The following TJP1 variants were observed in gnomAD, a reference collection of about 807,000 sequenced individuals.
TJP1 encodes tight junction protein ZO-1.
Under a neutral mutation model 194.2 loss-of-function variants are expected in TJP1, and 43 were observed. The ratio of observed to expected loss-of-function variants is 0.22; its 90% CI spans 0.17 to 0.29. The LOEUF is 0.29. TJP1 is among the 10% of genes least tolerant of loss of function. The pLI, the probability that TJP1 is intolerant of heterozygous loss-of-function variation, is 1.00. For missense variants in TJP1, 1,971 were observed against 2,185.7 expected (o/e 0.90, Z 1.96); for synonymous variants, 801 against 779.0 (o/e 1.03, Z -0.47).
intron 2 of TJP1, among the ~76,000 whole-genome samples, chr15:29,796,027 T>C (rs973233896): frequency 2.0e-5 from 3 of 151,070 alleles, no homozygotes; most frequent in African/African-American, 4.9e-5. Context: ...AATGGCAAAA[T>C]AGAAATACAA....
intron 2 of TJP1, among the ~76,000 whole-genome samples, chr15:29,897,784 A>G (rs1375361157): frequency 6.6e-6 from 1 of 152,182 alleles, no homozygotes; most frequent in East Asian, 1.9e-4. Flanking sequence ...GCCCTGCTGG[A>G]TTTTGGACTC....
At chr15:29,747,575 A>C (rs943337802) in intron 8 of TJP1, among the ~76,000 whole-genome samples, 3 of 152,232 alleles carry the variant, frequency 2.0e-5, no homozygotes, top group Non-Finnish European at 2.9e-5. Context: ...AGTTACCCAC[A>C]AAATTTTAAT....
chr15:29,931,351 GGT>G (rs2054706586), intron 2 of TJP1, among the ~76,000 whole-genome samples: 1 of 151,990 alleles, frequency 6.6e-6, no homozygotes, highest in African/African-American at 2.4e-5. Flanking sequence ...AAACCCATAT[GGT>G]TCAAGGGTCA....
intron 8 of TJP1, chr15:29,760,045 T>C: frequency 1.9e-6 from 1 of 531,712 alleles, no homozygotes. Context: ...ACCTCCATAC[T>C]GTTTTCCAGA....
intron 18 of TJP1, 122 bp from the exon 19 acceptor site, chr15:29,720,830 A>T (rs1217227178): frequency 1.3e-6 from 1 of 776,368 alleles, no homozygotes; most frequent in Non-Finnish European, 2.0e-6. Context: ...ACTTCTTGAA[A>T]CTTCTGGTAA....
At chr15:29,849,106 A>G (rs1289928975) in intron 2 of TJP1, among the ~76,000 whole-genome samples, 1 of 152,200 alleles carries the variant, frequency 6.6e-6, no homozygotes, top group African/African-American at 2.4e-5. Flanking sequence ...AAATTTAATT[A>G]CATTAAAATT....
In TJP1 at chr15:29,716,634, T is replaced by G; in HGVS notation, c.4179A>C (p.Ser1393=). The G allele has an allele frequency of 1.2e-6, 2 of 1,612,546 alleles. No individual in the cohort carries two copies. Among genetic ancestry groups the G allele is most frequent in the Non-Finnish European group, 1.7e-6 (2 of 1,178,778 alleles). The change falls in exon 23 of 28, where the codon TCA becomes TCC. Residue 1393 remains serine, a synonymous_variant. Transcript: ENST00000614355. ...PAKPAHSQNQ[S]NFSSYSSKGK... is the part of the protein sequence containing the mutation. ...ACTTTGAAGAATAACTAGAAAAATT[T>G]GATTGATTCTGAGAATGCGCTGGCT...
At chr15:29,956,371 G>A (rs1464367062) in intron 1 of TJP1, 2 of 1,282,088 alleles carry the variant, frequency 1.6e-6, no homozygotes, top group South Asian at 1.3e-5. Context: ...TACCCTGCAA[G>A]AAAGAAAAAA....
intron 10 of TJP1, 149 bp from the exon 11 acceptor site, chr15:29,737,563 G>C: frequency 1.2e-6 from 1 of 842,762 alleles, no homozygotes; most frequent in Non-Finnish European, 1.7e-6. Flanking sequence ...ATAAAATTTA[G>C]TGTTAGAATT....
intron 1 of TJP1, among the ~76,000 whole-genome samples, chr15:29,964,397 A>G (rs2056263256): frequency 1.6e-5 from 1 of 61,178 alleles, no homozygotes; most frequent in Non-Finnish European, 3.3e-5. Context: ...TTAAAAATTA[A>G]AAGTTTTAGT....
At chr15:29,710,259 C>T (rs2042157834) in intron 24 of TJP1, among the ~76,000 whole-genome samples, 1 of 152,112 alleles carries the variant, frequency 6.6e-6, no homozygotes, top group African/African-American at 2.4e-5. Context: ...AAGATAGCCT[C>T]AATCCAGAAC....
At chr15:29,898,197 C>T (rs1411988345) in intron 2 of TJP1, among the ~76,000 whole-genome samples, 1 of 152,162 alleles carries the variant, frequency 6.6e-6, no homozygotes, top group Non-Finnish European at 1.5e-5. Context: ...CTTTCCTGTG[C>T]TGTTCTTGTG....
chr15:29,959,586 G>T (rs978292674), intron 1 of TJP1, among the ~76,000 whole-genome samples: 1 of 152,080 alleles, frequency 6.6e-6, no homozygotes, highest in Non-Finnish European at 1.5e-5. Context: ...AGCTTCTCTT[G>T]CAAGTCAGTA....
At chr15:29,881,866 T>A (rs1392175090) in intron 2 of TJP1, among the ~76,000 whole-genome samples, 5 of 151,994 alleles carry the variant, frequency 3.3e-5, no homozygotes, top group Non-Finnish European at 5.9e-5. Flanking sequence ...TTTTCTGTGC[T>A]ACAGAAAGTA....
At chr15:29,742,966 T>G (rs998057662) in intron 8 of TJP1, 185 bp from the exon 9 acceptor site, 2 of 432,684 alleles carry the variant, frequency 4.6e-6, no homozygotes, top group Non-Finnish European at 7.7e-6. Flanking sequence ...ACCAAATAGA[T>G]TCATGTAATA....
In TJP1 at chr15:29,748,128, T is replaced by A. The variant is rs544793526; in HGVS notation, c.1011-5347A>T. Among the ~76,000 whole-genome samples, 21 of 152,312 alleles carry A rather than the reference T, an allele frequency of 1.4e-4. No homozygotes were observed. In the East Asian group the frequency reaches 3.9e-3, roughly 28 times the overall value. On this transcript the variant is annotated intron_variant, in intron 8 of 27. Transcript: ENST00000614355. ...AATGAGCTGCTTACGTAATTAAAAATTTTCTAGAATCCATGTTAAATAAAA... is the reference window on the plus strand; with the variant it reads ...AATGAGCTGCTTACGTAATTAAAAAATTTCTAGAATCCATGTTAAATAAAA...
chr15:29,815,396 G>A (rs1422771101), intron 1 of TJP1, among the ~76,000 whole-genome samples: 2 of 152,192 alleles, frequency 1.3e-5, no homozygotes, highest in Non-Finnish European at 2.9e-5. Context: ...AAATTCAGAG[G>A]TGCAAAGCAA....
chr15:29,886,859 C>T (rs1390998180), intron 2 of TJP1, among the ~76,000 whole-genome samples: 1 of 151,772 alleles, frequency 6.6e-6, no homozygotes, highest in Non-Finnish European at 1.5e-5. Context: ...GTTAGATAAA[C>T]AGTTTTTCCC....
chr15:29,741,314 CT>C lies in TJP1; in HGVS notation c.1256+16del. 6.5e-7 allele frequency: 1 copy of C among 1,538,884 alleles called. No homozygotes were observed. Among genetic ancestry groups the C allele is most frequent in the South Asian group, 1.2e-5 (1 of 84,402 alleles). On this transcript the variant is annotated intron_variant, in intron 10 of 27. Transcript: ENST00000614355. ...ATAATGAACAAAGAAAACAATACAA[CT>C]TTAAAATTGTATTACCGAAGAATCC...
Sources: gnomAD v4.1 joint callset for allele counts (sites outside exome capture counted in the v4.1 genomes callset) on GRCh38, gnomAD v4.1.1 for gene constraint, MANE v1.5 for transcripts, NCBI Gene and HGNC (gene_info 2026-07-23, HGNC 2026-07-21) for gene names.